Variants in HECW2 observed in about 807,000 individuals in gnomAD.
The protein encoded by HECW2 is E3 ubiquitin-protein ligase HECW2.
HECW2 carries 61 observed loss-of-function variants against 175.2 expected under a neutral mutation model. The observed-to-expected ratio is 0.35, with a 90% CI of 0.28 to 0.43. The LOEUF (loss-of-function observed/expected upper bound fraction) is 0.43, where lower values mean the gene tolerates loss of function less well. HECW2 is among the 20% of genes least tolerant of loss of function. The pLI is 1.00. For synonymous variants in HECW2, 671 were observed against 731.0 expected, an observed-to-expected ratio of 0.92 and a Z score of 1.32; for missense variants, 1,524 against 2,000.5, an observed-to-expected ratio of 0.76 and a Z score of 4.54.
chr2:196,239,880 C>A (rs1016008218), intron 21 of HECW2: 1 of 152,194 alleles, frequency 6.6e-6, no homozygotes, highest in South Asian at 2.1e-4. Flanking sequence ...TCATGGAAGG[C>A]GGGACATGTT....
intron 28 of HECW2, among the ~76,000 whole-genome samples, chr2:196,215,628 A>G (rs893842055): frequency 6.6e-6 from 1 of 152,212 alleles, no homozygotes; most frequent in African/African-American, 2.4e-5. Flanking sequence ...TGATGCTAAC[A>G]AATACTTTGC....
chr2:196,405,077 C>T (rs551445859), intron 2 of HECW2, among the ~76,000 whole-genome samples: 4 of 151,614 alleles, frequency 2.6e-5, no homozygotes, highest in African/African-American at 4.8e-5. Flanking sequence ...GTGATCCGCC[C>T]GCCTCGGCCT....
At chr2:196,543,843 A>T (rs1575656739) in intron 1 of HECW2, among the ~76,000 whole-genome samples, 1 of 152,114 alleles carries the variant, frequency 6.6e-6, no homozygotes, top group Non-Finnish European at 1.5e-5. Context: ...CGAATTCCAG[A>T]CCTCGTGATC....
rs186268372 is a variant in HECW2, at chr2:196,224,801, G to A, written c.4016+971C>T. On this transcript the variant is annotated intron_variant, in intron 23 of 28. Coordinates refer to ENST00000644978, the MANE Select transcript of HECW2 (RefSeq NM_001348768.2). ...AGGAAGCTTAAATGAGAAGATAAGA[G>A]ATAAGGCAATGAAATGGGAAGATGC... Among the ~76,000 whole-genome samples the A allele has an allele frequency of 1.6e-3, 241 of 152,264 alleles. 2 individuals carry two copies. The highest frequency in any genetic ancestry group is 5.2e-3 in the African/African-American group (215 of 41,546).
At chr2:196,561,503 C>G (rs955126003) in intron 1 of HECW2, among the ~76,000 whole-genome samples, 1 of 152,176 alleles carries the variant, frequency 6.6e-6, no homozygotes, top group South Asian at 2.1e-4. Context: ...ACACCCTATT[C>G]GTACACTCCC....
intron 1 of HECW2, among the ~76,000 whole-genome samples, chr2:196,528,152 T>C (rs75867804): frequency 0.083 from 12,604 of 152,234 alleles, 590 homozygotes; most frequent in Middle Eastern, 0.13. Flanking sequence ...CAAGAGATCA[T>C]TTGGGCCATC....
At chr2:196,383,752 G>A (rs1694271588) in intron 2 of HECW2, among the ~76,000 whole-genome samples, 2 of 152,188 alleles carry the variant, frequency 1.3e-5, no homozygotes, top group South Asian at 4.1e-4. Flanking sequence ...AAAATGGAAG[G>A]TGAACATTTC....
Position 196,449,845 on chromosome 2 carries a change from T to G in HECW2, c.-35-16387A>C, listed in dbSNP as rs114154271. Among the ~76,000 whole-genome samples the G allele has an allele frequency of 7.8e-3, 1,185 of 152,296 alleles. 23 individuals carry two copies. Among genetic ancestry groups the G allele is most frequent in the African/African-American group, 0.027 (1,112 of 41,540 alleles). On this transcript the variant is annotated intron_variant, in intron 1 of 28. Transcript: ENST00000644978. Reference sequence around the variant, plus strand: ...CTCATTAATCCATTTTTTTTTAAATTTATAGAAAGATAAGACAAGAACCCA... The same window carrying G: ...CTCATTAATCCATTTTTTTTTAAATGTATAGAAAGATAAGACAAGAACCCA...
chr2:196,444,413 C>A (rs1206838685), intron 1 of HECW2, among the ~76,000 whole-genome samples: 1 of 152,220 alleles, frequency 6.6e-6, no homozygotes, highest in Admixed American at 6.5e-5. Context: ...GAGGTCATAA[C>A]TACAAATTCT....
intron 2 of HECW2, among the ~76,000 whole-genome samples, chr2:196,361,240 T>C (rs574531360): frequency 5.0e-4 from 76 of 152,296 alleles, no homozygotes; most frequent in African/African-American, 1.7e-3. Flanking sequence ...TGCCACAAGA[T>C]ACTACATAAA....
At chr2:196,528,892 T>C (rs1271318811) in intron 1 of HECW2, among the ~76,000 whole-genome samples, 1 of 152,252 alleles carries the variant, frequency 6.6e-6, no homozygotes, top group Non-Finnish European at 1.5e-5. Context: ...CTTTCTCTTT[T>C]TCTACATTAG....
intron 1 of HECW2, among the ~76,000 whole-genome samples, chr2:196,441,458 T>C (rs2125290311): frequency 6.6e-6 from 1 of 152,236 alleles, no homozygotes; most frequent in South Asian, 2.1e-4. Context: ...TTTTACTATC[T>C]AAATGAGGAA....
At chr2:196,258,147 T>C (rs1338795744) in intron 17 of HECW2, 1 of 493,946 alleles carries the variant, frequency 2.0e-6, no homozygotes, top group East Asian at 3.4e-5. Context: ...ATTCTTTCAC[T>C]GGCTTCATCA....
chr2:196,476,182 G>A (rs1686605554), intron 1 of HECW2, among the ~76,000 whole-genome samples: 1 of 151,896 alleles, frequency 6.6e-6, no homozygotes, highest in Non-Finnish European at 1.5e-5. Context: ...AGTGGCTCAT[G>A]CCTGTAATCC....
intron 2 of HECW2, among the ~76,000 whole-genome samples, chr2:196,412,843 T>C (rs1421068417): frequency 2.6e-5 from 4 of 152,222 alleles, no homozygotes; most frequent in African/African-American, 9.6e-5. Flanking sequence ...CCATGAATCA[T>C]ATGAAATCCT....
At chr2:196,316,552 T>C (rs1268136453) in intron 10 of HECW2, 2 of 152,208 alleles carry the variant, frequency 1.3e-5, no homozygotes, top group Non-Finnish European at 2.9e-5. Context: ...AATGCATTGC[T>C]CTCATAGAGC....
intron 1 of HECW2, among the ~76,000 whole-genome samples, chr2:196,462,783 C>T (rs1696798516): frequency 6.6e-6 from 1 of 151,996 alleles, no homozygotes; most frequent in Non-Finnish European, 1.5e-5. Flanking sequence ...AACAACTGTA[C>T]TTTTTCATCT....
At position 196,241,773 on chromosome 2, in the gene HECW2, C is replaced by G. The variant is rs564389681; in HGVS notation, c.3650+311G>C. ...GGAGGACATTGGGATAGCTTTATAGCTAATGAATATACTATGCACCAACAA... is the reference window on the plus strand; with the variant it reads ...GGAGGACATTGGGATAGCTTTATAGGTAATGAATATACTATGCACCAACAA... On this transcript the variant is annotated intron_variant, in intron 20 of 28. Coordinates refer to ENST00000644978, the MANE Select transcript of HECW2 (RefSeq NM_001348768.2). Among the ~76,000 whole-genome samples the G allele has an allele frequency of 2.0e-5, 3 of 152,222 alleles. No homozygotes were observed. The South Asian group carries it at 6.2e-4, about 32-fold the overall frequency.
At position 196,329,432 on chromosome 2, in the gene HECW2, C is replaced by G. The variant is rs374567739; in HGVS notation, c.571+143G>C. ...TTAATTTATCATGGTAAGAGATATA[C>G]TTGAATTTTCAGAAGTATGACCCCC... On this transcript the variant is annotated intron_variant, in intron 5 of 28. Coordinates refer to ENST00000644978, the MANE Select transcript of HECW2 (RefSeq NM_001348768.2). The G allele has an allele frequency of 7.1e-6, 4 of 561,996 alleles. No homozygotes were observed. In the African/African-American group the frequency reaches 7.5e-5, roughly 11 times the overall value. The allele number at this position is 561,996 out of a possible 1,614,324, so 34.8% of individuals were successfully genotyped here.
Sources: gnomAD v4.1 joint callset for allele counts (sites outside exome capture counted in the v4.1 genomes callset) on GRCh38, gnomAD v4.1.1 for gene constraint, MANE v1.5 for transcripts, NCBI Gene and HGNC (gene_info 2026-07-23, HGNC 2026-07-21) for gene names.